B3GALT1: variants seen among roughly 807,000 people sequenced by gnomAD.
B3GALT1 encodes the protein UDP-Gal:betaGlcNAc beta 1,3-galactosyltransferase, polypeptide 1.
In B3GALT1, 10 loss-of-function variants were observed where a neutral mutation model predicts 23.2. The ratio of observed to expected loss-of-function variants is 0.43; its 90% CI spans 0.27 to 0.73. The LOEUF is 0.73. B3GALT1 is among the 30% of genes least tolerant of loss of function. The pLI, the probability that B3GALT1 is intolerant of heterozygous loss-of-function variation, is 0.21. For missense variants in B3GALT1, 299 were observed against 405.4 expected, an observed-to-expected ratio of 0.74 and a Z score of 2.25; for synonymous variants, 156 against 141.5, an observed-to-expected ratio of 1.10 and a Z score of -0.73.
intron 2 of B3GALT1, among the ~76,000 whole-genome samples, chr2:167,491,586 G>A (rs1040207162): frequency 5.9e-5 from 9 of 151,324 alleles, no homozygotes; most frequent in South Asian, 2.1e-4. Flanking sequence ...AGGCCGAGGC[G>A]GGCAGATCAC....
At chr2:167,824,806 C>T (rs768062757) in intron 4 of B3GALT1, among the ~76,000 whole-genome samples, 2 of 152,182 alleles carry the variant, frequency 1.3e-5, no homozygotes, top group Non-Finnish European at 2.9e-5. Flanking sequence ...AGTGGGGAAC[C>T]ATGAAAGAAG....
intron 2 of B3GALT1, among the ~76,000 whole-genome samples, chr2:167,554,796 A>G (rs1489190340): frequency 6.6e-6 from 1 of 152,212 alleles, no homozygotes; most frequent in Non-Finnish European, 1.5e-5. Flanking sequence ...CGTTTGGATT[A>G]CTTGTAAGGT....
At position 167,869,120 on chromosome 2, in the gene B3GALT1, C is replaced by G; in HGVS notation, c.81C>G (p.Arg27=). The change falls in exon 5 of 5, where the codon CGC becomes CGG. Residue 27 remains arginine, a synonymous_variant. Transcript: ENST00000392690. This position sits in a 1 kb window ranked among gnomAD's most constrained non-coding sequence, Gnocchi z 6.4. ...ASALWYLSIT[R]PTSSYTGSKP... ...CTCTCTGGTACTTGAGTATAACTCG[C>G]CCTACTTCTTCTTACACTGGCTCCA... 1 of 1,614,126 alleles carries G rather than the reference C, an allele frequency of 6.2e-7. No homozygotes were observed. Among genetic ancestry groups the G allele is most frequent in the Non-Finnish European group, 8.5e-7 (1 of 1,180,012 alleles).
chr2:167,308,346 A>G (rs540029456), intron 1 of B3GALT1, among the ~76,000 whole-genome samples: 1 of 152,084 alleles, frequency 6.6e-6, no homozygotes, highest in South Asian at 2.1e-4. Flanking sequence ...TAGAAAGGAG[A>G]TGTCAACTGA....
chr2:167,463,245 T>C (rs1699292700), intron 1 of B3GALT1, among the ~76,000 whole-genome samples: 1 of 152,158 alleles, frequency 6.6e-6, no homozygotes. Flanking sequence ...GGGCAGAATC[T>C]TTTATTTTAC....
intron 1 of B3GALT1, among the ~76,000 whole-genome samples, chr2:167,316,980 G>A (rs982705600): frequency 6.6e-6 from 1 of 152,064 alleles, no homozygotes; most frequent in Non-Finnish European, 1.5e-5. Context: ...TTGTGTGTGT[G>A]TTTAACAATT....
intron 4 of B3GALT1, among the ~76,000 whole-genome samples, chr2:167,840,253 T>C (rs1387011214): frequency 2.0e-5 from 3 of 151,872 alleles, no homozygotes; most frequent in East Asian, 3.9e-4. Flanking sequence ...ACCCACAAAA[T>C]GGGAGAAAAT....
At chr2:167,664,333 G>C (rs932124466) in intron 3 of B3GALT1, among the ~76,000 whole-genome samples, 1 of 151,358 alleles carries the variant, frequency 6.6e-6, no homozygotes, top group African/African-American at 2.5e-5. Context: ...CTCTGTTTTG[G>C]TACCAGTACC....
chr2:167,748,406 TC>T (rs1172341620), intron 3 of B3GALT1, among the ~76,000 whole-genome samples: 2 of 152,144 alleles, frequency 1.3e-5, no homozygotes, highest in Admixed American at 6.5e-5. Flanking sequence ...TTCCACAGAT[TC>T]ATTAAGTCTT....
chr2:167,427,649 C>T (rs560947875), intron 1 of B3GALT1, among the ~76,000 whole-genome samples: 3 of 152,262 alleles, frequency 2.0e-5, no homozygotes, highest in South Asian at 2.1e-4. Flanking sequence ...TGATCCTCCC[C>T]TCTCAGCCTC....
At chr2:167,843,547 T>C (rs1177672588) in intron 4 of B3GALT1, among the ~76,000 whole-genome samples, 1 of 152,162 alleles carries the variant, frequency 6.6e-6, no homozygotes, top group Non-Finnish European at 1.5e-5. Flanking sequence ...AGACACTACC[T>C]AGGATAGAAG....
At chr2:167,502,577 C>G (rs1699862542) in intron 2 of B3GALT1, among the ~76,000 whole-genome samples, 1 of 148,986 alleles carries the variant, frequency 6.7e-6, no homozygotes, top group African/African-American at 2.5e-5. Context: ...GGAGGCACAT[C>G]TTAAATGGCT....
At chr2:167,498,613 C>A (rs570211398) in intron 2 of B3GALT1, among the ~76,000 whole-genome samples, 1 of 152,062 alleles carries the variant, frequency 6.6e-6, no homozygotes, top group East Asian at 1.9e-4. Flanking sequence ...GGGAACAGAT[C>A]TTAATGTAAG....
chr2:167,503,046 T>G (rs777996416), intron 2 of B3GALT1, among the ~76,000 whole-genome samples: 1 of 151,898 alleles, frequency 6.6e-6, no homozygotes, highest in Non-Finnish European at 1.5e-5. Context: ...TCTCAAAAAA[T>G]ATATATAAAA....
intron 2 of B3GALT1, among the ~76,000 whole-genome samples, chr2:167,492,181 T>C (rs1002444104): frequency 2.6e-5 from 4 of 152,178 alleles, no homozygotes; most frequent in Non-Finnish European, 4.4e-5. Context: ...ATCTTTTTAC[T>C]CCCTCCATAG....
intron 1 of B3GALT1, among the ~76,000 whole-genome samples, chr2:167,367,688 A>T (rs1054134655): frequency 6.6e-6 from 1 of 152,210 alleles, no homozygotes; most frequent in Non-Finnish European, 1.5e-5. Context: ...CCATTTAAGT[A>T]CATAGACTGA....
chr2:167,549,343 C>A (rs1377053190), intron 2 of B3GALT1, among the ~76,000 whole-genome samples: 1 of 152,096 alleles, frequency 6.6e-6, no homozygotes, highest in Non-Finnish European at 1.5e-5. Flanking sequence ...AGAGATAGAG[C>A]AGAACCAAAC....
chr2:167,687,339 T>A (rs1346379008), intron 3 of B3GALT1, among the ~76,000 whole-genome samples: 1 of 152,214 alleles, frequency 6.6e-6, no homozygotes, highest in Non-Finnish European at 1.5e-5. Context: ...ATCTCTAATT[T>A]AACAGCGAAC....
At chr2:167,720,470 A>G (rs550648410) in intron 3 of B3GALT1, among the ~76,000 whole-genome samples, 1 of 152,326 alleles carries the variant, frequency 6.6e-6, no homozygotes, top group East Asian at 1.9e-4. Context: ...AGTCACTGTC[A>G]ATAAACACCA....
Sources: gnomAD v4.1 joint callset for allele counts (sites outside exome capture counted in the v4.1 genomes callset) on GRCh38, gnomAD v4.1.1 for gene constraint, Gnocchi (gnomAD v3.1) non-coding constraint, MANE v1.5 for transcripts, NCBI Gene and HGNC (gene_info 2026-07-23, HGNC 2026-07-21) for gene names.